The following APC2 variants were observed in gnomAD, a reference collection of about 807,000 sequenced individuals.
APC2 encodes the protein APC regulator of Wnt signaling pathway 2, also known as adenomatous polyposis coli protein 2.
Under a neutral mutation model 72.5 loss-of-function variants are expected in APC2, and 41 were observed. The ratio of observed to expected loss-of-function variants is 0.57; its 90% CI spans 0.44 to 0.73. The LOEUF is 0.73. Ranked by LOEUF, APC2 falls within the 30% of genes least tolerant of loss-of-function variation. The pLI, the probability that APC2 is intolerant of heterozygous loss-of-function variation, is 0.00. For synonymous variants in APC2, 1,898 were observed against 1,612.0 expected (o/e 1.18, Z -4.25); for missense variants, 3,729 against 3,403.4 (o/e 1.10, Z -2.38).
chr19:1,453,282 G>A lies in APC2; in HGVS notation c.177G>A (p.Gln59=). The change falls in exon 3 of 15, where the codon CAG becomes CAA. Residue 59 remains glutamine (Q), a synonymous_variant. Coordinates refer to ENST00000590469, the MANE Select transcript of APC2 (RefSeq NM_005883.3). ...AGCACCTACAGGGAAAACTGGAGCA[G>A]GAGGCCCGAGTGCTGGTGTCCTCGG... ...VLKHLQGKLE[Q]EARVLVSSGQ... 6.3e-7 allele frequency: 1 copy of A among 1,576,840 alleles called. No homozygotes were observed. Among genetic ancestry groups the A allele is most frequent in the Non-Finnish European group, 8.6e-7 (1 of 1,161,054 alleles).
rs781025824 is a variant in APC2 at position 1,470,184 on chromosome 19, G to A, written c.6883G>A (p.Ala2295Thr). ...CGACTCGGCCGCGGAGAAAGCCCCG[G>A]CCACTGCCTCCGCCACCCTCCTGGA... ...TTDSAAEKAP[A>T]TASATLLE The change falls in exon 15 of 15, where the codon GCC (alanine) becomes ACC (threonine). Residue 2295 changes from alanine to threonine, a missense_variant. Physicochemically the swap from Ala to Thr is moderately conservative, Grantham distance 58. Coordinates refer to ENST00000590469, the MANE Select transcript of APC2 (RefSeq NM_005883.3). The A allele has an allele frequency of 1.9e-6, 3 of 1,601,192 alleles. No individual in the cohort carries two copies. The highest frequency in any genetic ancestry group is 1.7e-5 in the Admixed American group (1 of 59,422).
upstream of APC2, among the ~76,000 whole-genome samples, chr19:1,449,967 C>T (rs963187098): frequency 6.6e-6 from 1 of 152,158 alleles, no homozygotes; most frequent in African/African-American, 2.4e-5. Context: ...CCCGCACTCA[C>T]GGCCCCTGAG....
intron 10 of APC2, 44 bp downstream of exon 10, chr19:1,458,104 A>G: frequency 1.3e-6 from 2 of 1,521,130 alleles, no homozygotes; most frequent in Non-Finnish European, 1.8e-6. Context: ...CCAGCCCCCG[A>G]ACAGGTGGTG....
rs761826460 is a variant in APC2, at chr19:1,453,507, G to C, written c.309G>C (p.Arg103=). The C allele has an allele frequency of 6.2e-7, 1 of 1,607,972 alleles. No individual in the cohort carries two copies. Among genetic ancestry groups the C allele is most frequent in the Non-Finnish European group, 8.5e-7 (1 of 1,176,584 alleles). Residue 103 remains arginine, a synonymous_variant, in exon 4 of 15, where the codon CGG becomes CGC. Coordinates refer to ENST00000590469, the MANE Select transcript of APC2 (RefSeq NM_005883.3). ...PPTLGPEPAA[R]TPEGSPVHGS... ...CCCTGGGCCCGGAGCCTGCCGCCCG[G>C]ACCCCCGAGGGCAGCCCAGTACACG...
intron 4 of APC2, 114 bp from the exon 5 acceptor site, chr19:1,455,035 C>T (rs2083799278): frequency 2.0e-6 from 1 of 495,386 alleles, no homozygotes; most frequent in Admixed American, 5.0e-5. Flanking sequence ...AGAGACCTTG[C>T]CATGTTGCCT....
At chr19:1,464,557 G>A (rs1431114543) in intron 14 of APC2, among the ~76,000 whole-genome samples, 2 of 149,720 alleles carry the variant, frequency 1.3e-5, no homozygotes, top group Non-Finnish European at 3.0e-5. Context: ...CTTTCTCTCA[G>A]AAAAGATAGA....
At chr19:1,446,403 C>T, upstream of APC2, 4 of 978,090 alleles carry the variant, frequency 4.1e-6, no homozygotes, top group Non-Finnish European at 4.9e-6. The surrounding 1 kb of genome is among the most constrained non-coding windows in gnomAD (Gnocchi z 6.1). Flanking sequence ...GGGGCGGGGT[C>T]CACACCGCGG....
chr19:1,467,259 C>T lies in APC2; in HGVS notation c.3958C>T (p.Arg1320Trp). 4 of 1,306,900 alleles carry T rather than the reference C, an allele frequency of 3.1e-6. No individual in the cohort carries two copies. Among genetic ancestry groups the T allele is most frequent in the Non-Finnish European group, 3.9e-6 (4 of 1,032,922 alleles). The allele number at this position is 1,306,900 out of a possible 1,614,324, so 81.0% of individuals were successfully genotyped here. A position where few individuals can be genotyped will look rare whatever the true frequency, so the allele number is the denominator to read the frequency against. ...GAGLHFAGHR[R>W]REEGPAPTGS... ...CGGCCTCCACTTTGCAGGGCACCGG[C>T]GGCGGGAGGAGGGGCCGGCGCCCAC... Residue 1320 changes from arginine (R) to tryptophan (W), a missense_variant, in exon 15 of 15, where the codon CGG (arginine) becomes TGG (tryptophan). Coordinates refer to ENST00000590469, the MANE Select transcript of APC2 (RefSeq NM_005883.3).
rs1484323249 is a variant in APC2, at chr19:1,468,553, C to T, written c.5252C>T (p.Pro1751Leu). Residue 1751 changes from proline to leucine, a missense_variant, in exon 15 of 15, where the codon CCA becomes CTA. By Grantham distance (98) the Pro-to-Leu change is moderately conservative (BLOSUM62 -3). Transcript: ENST00000590469. Reference sequence around the variant, plus strand: ...GGAGAAATGGGCAGTGCCCGGCGGCCAGAGAAAAGGGGCGCAGCCTCAGTC... The same window carrying T: ...GGAGAAATGGGCAGTGCCCGGCGGCTAGAGAAAAGGGGCGCAGCCTCAGTC... ...AEGEMGSARRPEKRGAASVKT... is the reference protein window; with the variant it reads ...AEGEMGSARRLEKRGAASVKT... 4.4e-6 allele frequency: 7 copies of T among 1,598,120 alleles called. No homozygotes were observed. Among genetic ancestry groups the T allele is most frequent in the Non-Finnish European group, 6.0e-6 (7 of 1,169,924 alleles).
At chr19:1,461,692 A>G in intron 13 of APC2, 1 of 468,636 alleles carries the variant, frequency 2.1e-6, no homozygotes, top group Non-Finnish European at 3.8e-6. Context: ...CTCTACTAAA[A>G]ATACAAAAAA....
intron 14 of APC2, among the ~76,000 whole-genome samples, 156 bp downstream of exon 14, chr19:1,462,333 T>G (rs1054344859): frequency 6.6e-6 from 1 of 152,184 alleles, no homozygotes; most frequent in African/African-American, 2.4e-5. Flanking sequence ...GCGTGAGATA[T>G]ACTAAAATGC....
chr19:1,459,479 T>C (rs1055075904), intron 10 of APC2, among the ~76,000 whole-genome samples: 8 of 152,222 alleles, frequency 5.3e-5, no homozygotes, highest in Non-Finnish European at 8.8e-5. Context: ...CCCCCACTCC[T>C]GGCTCTGTGA....
Position 1,468,891 on chromosome 19 carries a change from C to A in APC2, c.5590C>A (p.Pro1864Thr). 6.6e-7 allele frequency: 1 copy of A among 1,519,906 alleles called. No homozygotes were observed. The highest frequency in any genetic ancestry group is 8.8e-7 in the Non-Finnish European group (1 of 1,140,500). The allele number at this position is 1,519,906 out of a possible 1,614,324, so 94.2% of individuals were successfully genotyped here. Residue 1864 changes from proline (P) to threonine (T), a missense_variant, in exon 15 of 15, where the codon CCG becomes ACG. Physicochemically the swap from Pro to Thr is conservative, Grantham distance 38. Coordinates refer to ENST00000590469, the MANE Select transcript of APC2 (RefSeq NM_005883.3). ...TLSQPPRSAT[P>T]PARLAKTPSS... ...GAGCCAGCCCCCCAGAAGCGCCACA[C>A]CGCCCGCCCGCCTCGCCAAGACCCC... is the stretch of plus-strand genomic sequence containing the variant.
At position 1,469,207 on chromosome 19, in the gene APC2, G is replaced by T; in HGVS notation, c.5906G>T (p.Arg1969Leu). The T allele has an allele frequency of 2.2e-6, 3 of 1,343,632 alleles. No individual in the cohort carries two copies. The highest frequency in any genetic ancestry group is 2.9e-6 in the Non-Finnish European group (3 of 1,043,736). The allele number at this position is 1,343,632 out of a possible 1,614,324, so 83.2% of individuals were successfully genotyped here. A position where few individuals can be genotyped will look rare whatever the true frequency, so the allele number is the denominator to read the frequency against. The change falls in exon 15 of 15, where the codon CGC becomes CTC. Residue 1969 changes from arginine to leucine, a missense_variant. Coordinates refer to ENST00000590469, the MANE Select transcript of APC2 (RefSeq NM_005883.3). Reference protein sequence around the residue: ...TEAGPGARGGRLGLVRVASAL... With the variant: ...TEAGPGARGGLLGLVRVASAL... The stretch of plus-strand genomic sequence containing the variant: ...GCGGGCCCGGGGGCGCGCGGGGGCC[G>T]CCTGGGCCTGGTGCGTGTGGCCTCA...
intron 10 of APC2, among the ~76,000 whole-genome samples, chr19:1,459,913 C>T (rs1233507967): frequency 6.6e-6 from 1 of 152,190 alleles, no homozygotes; most frequent in Non-Finnish European, 1.5e-5. Context: ...GTGCAGAGGC[C>T]CAGTGGCTGG....
chr19:1,456,235 CCCACAT>C (rs2083823627), intron 7 of APC2, 65 bp from the exon 8 acceptor site: 3 of 1,555,488 alleles, frequency 1.9e-6, no homozygotes, highest in Non-Finnish European at 2.6e-6. Context: ...CCCGCCCCCG[CCCACAT>C]CATCACGGGT....
rs990027800 is a variant in APC2, at chr19:1,453,686, C to T, written c.413+75C>T. ...CCCCAGCGGGCTCTGCCCTCTAATT[C>T]GCCCACCCGCATATGTCTCTGCCCA... On this transcript the variant is annotated intron_variant, in intron 4 of 14. Transcript: ENST00000590469. The T allele has an allele frequency of 1.3e-5, 20 of 1,514,756 alleles. No individual in the cohort carries two copies. The African/African-American group carries it at 2.1e-4, about 16-fold the overall frequency. 93.8% of individuals were successfully genotyped at this position (1,514,756 alleles called of 1,614,324 possible).
In APC2 at chr19:1,468,244, G is replaced by A. The variant is rs780627383; in HGVS notation, c.4943G>A (p.Arg1648Gln). The A allele has an allele frequency of 6.0e-6, 9 of 1,504,834 alleles. No individual in the cohort carries two copies. The Admixed American group carries it at 6.5e-5, about 11-fold the overall frequency. The allele number at this position is 1,504,834 out of a possible 1,614,324, so 93.2% of individuals were successfully genotyped here. Residue 1648 changes from arginine (R) to glutamine (Q), a missense_variant, in exon 15 of 15, where the codon CGG becomes CAG. By Grantham distance (43) the Arg-to-Gln change is conservative (BLOSUM62 1). Transcript: ENST00000590469. ...CGCCGGCCCCCCGTGTCTGGCCTGCGGCGCCGCAAGCCCCGAGCCACCCGG... is the reference window on the plus strand; with the variant it reads ...CGCCGGCCCCCCGTGTCTGGCCTGCAGCGCCGCAAGCCCCGAGCCACCCGG... The part of the protein sequence containing the change: ...PRRRPPVSGL[R>Q]RRKPRATRLD...
Position 1,469,315 on chromosome 19 carries a change from G to C in APC2, c.6014G>C (p.Arg2005Pro). The C allele has an allele frequency of 1.4e-6, 2 of 1,413,570 alleles. No homozygotes were observed. Among genetic ancestry groups the C allele is most frequent in the Non-Finnish European group, 1.9e-6 (2 of 1,080,386 alleles). 87.6% of individuals were successfully genotyped at this position (1,413,570 alleles called of 1,614,324 possible). A position where few individuals can be genotyped will look rare whatever the true frequency, so the allele number is the denominator to read the frequency against. The change falls in exon 15 of 15, where the codon CGG becomes CCG. Residue 2005 changes from arginine to proline, a missense_variant. Physicochemically the swap from Arg to Pro is moderately radical, Grantham distance 103. Transcript: ENST00000590469. ...LTFIKESPGL[R>P]RRRSELSSAE... ...TTCATCAAGGAGTCGCCGGGCTTGCGGCGCCGCCGCTCCGAGCTGTCCTCG... is the reference window on the plus strand; with the variant it reads ...TTCATCAAGGAGTCGCCGGGCTTGCCGCGCCGCCGCTCCGAGCTGTCCTCG...
Sources: allele counts gnomAD v4.1 joint callset (sites outside exome capture counted in the v4.1 genomes callset), GRCh38; gene constraint gnomAD v4.1.1; non-coding constraint Gnocchi (gnomAD v3.1); transcripts MANE v1.5; gene names NCBI Gene and HGNC (gene_info 2026-07-23, HGNC 2026-07-21).